Variants in SPAG16 observed in about 807,000 individuals in gnomAD.
SPAG16 encodes sperm-associated antigen 16 protein.
SPAG16 carries 86 observed loss-of-function variants against 80.4 expected under a neutral mutation model. The ratio of observed to expected loss-of-function variants is 1.07; its 90% CI spans 0.90 to 1.28. The LOEUF (loss-of-function observed/expected upper bound fraction) is 1.28, where lower values mean the gene tolerates loss of function less well. SPAG16 is among the 50% of genes most tolerant of loss of function. SPAG16 has a pLI of 0.00. For synonymous variants in SPAG16, 294 were observed against 265.9 expected (o/e 1.11, Z -1.03); for missense variants, 870 against 765.3 (o/e 1.14, Z -1.61).
At chr2:213,643,128 C>G (rs917319184) in intron 10 of SPAG16, among the ~76,000 whole-genome samples, 2 of 150,496 alleles carry the variant, frequency 1.3e-5, no homozygotes, top group East Asian at 2.0e-4. Context: ...TACAACAGGT[C>G]TGATATTGAT....
chr2:214,081,317 C>G (rs1054481837), intron 13 of SPAG16, among the ~76,000 whole-genome samples: 1 of 152,052 alleles, frequency 6.6e-6, no homozygotes, highest in Non-Finnish European at 1.5e-5. Flanking sequence ...AAGATATGTT[C>G]AAATCCTAAC....
chr2:214,066,712 A>G (rs1269010917), intron 13 of SPAG16, among the ~76,000 whole-genome samples: 1 of 152,204 alleles, frequency 6.6e-6, no homozygotes, highest in Admixed American at 6.5e-5. Context: ...TTTGTACAGA[A>G]TAAAGATAGC....
intron 10 of SPAG16, among the ~76,000 whole-genome samples, chr2:213,702,780 G>A (rs1464156516): frequency 6.6e-6 from 1 of 152,050 alleles, no homozygotes; most frequent in Non-Finnish European, 1.5e-5. Context: ...ACTGTTCTTT[G>A]AAAAGGCCTA....
intron 13 of SPAG16, among the ~76,000 whole-genome samples, chr2:214,079,357 A>G (rs2051247937): frequency 6.6e-6 from 1 of 152,210 alleles, no homozygotes; most frequent in Non-Finnish European, 1.5e-5. Context: ...GCCCTCGAGA[A>G]TAGTAATTTT....
intron 10 of SPAG16, among the ~76,000 whole-genome samples, chr2:213,756,819 G>A (rs2068364266): frequency 6.6e-6 from 1 of 152,032 alleles, no homozygotes; most frequent in African/African-American, 2.4e-5. Context: ...ATTAAATGAT[G>A]TAATAACTGT....
intron 10 of SPAG16, among the ~76,000 whole-genome samples, chr2:213,673,768 A>G (rs1031345768): frequency 3.3e-5 from 5 of 152,160 alleles, no homozygotes; most frequent in African/African-American, 4.8e-5. Context: ...ATAAGCCTAA[A>G]TTAATATTAT....
At position 213,729,387 on chromosome 2, in the gene SPAG16, G is replaced by C. The variant is rs2066928251; in HGVS notation, c.1071-133098G>C. On this transcript the variant is annotated intron_variant, in intron 10 of 15. Coordinates refer to ENST00000331683, the MANE Select transcript of SPAG16 (RefSeq NM_024532.5). ...TACCTTTTAGATTGCTCACCTTACAGGGCTATACAAAGCTAATAAAATGTA... is the reference window on the plus strand; with the variant it reads ...TACCTTTTAGATTGCTCACCTTACACGGCTATACAAAGCTAATAAAATGTA... Among the ~76,000 whole-genome samples, 3 of 152,074 alleles carry C rather than the reference G, an allele frequency of 2.0e-5. No individual in the cohort carries two copies. In the South Asian group the frequency reaches 6.2e-4, roughly 32 times the overall value.
chr2:214,038,914 G>T (rs1312800534), intron 13 of SPAG16, among the ~76,000 whole-genome samples: 2 of 152,034 alleles, frequency 1.3e-5, no homozygotes, highest in South Asian at 2.1e-4. Context: ...GGTGTATATG[G>T]GCCACATTTT....
intron 15 of SPAG16, among the ~76,000 whole-genome samples, chr2:214,300,104 G>A (rs1694441557): frequency 6.6e-6 from 1 of 151,948 alleles, no homozygotes; most frequent in Non-Finnish European, 1.5e-5. Flanking sequence ...GATTTTTATT[G>A]AACTTATGTA....
intron 11 of SPAG16, among the ~76,000 whole-genome samples, chr2:213,922,060 T>C (rs1377524575): frequency 6.6e-6 from 1 of 152,206 alleles, no homozygotes; most frequent in Non-Finnish European, 1.5e-5. Flanking sequence ...TGGATTTGAA[T>C]GTTGGTCTCT....
intron 9 of SPAG16, among the ~76,000 whole-genome samples, chr2:213,474,500 A>G (rs144416633): frequency 8.5e-4 from 130 of 152,250 alleles, no homozygotes; most frequent in African/African-American, 3.0e-3. Flanking sequence ...CAAAGGTATT[A>G]TATATATAGT....
intron 5 of SPAG16, among the ~76,000 whole-genome samples, chr2:213,321,782 A>G (rs972529699): frequency 1.1e-4 from 17 of 152,122 alleles, no homozygotes; most frequent in Admixed American, 3.9e-4. Flanking sequence ...ACATTTCTGT[A>G]TAGATGTTTT....
chr2:213,656,918 C>T (rs11900858), intron 10 of SPAG16, among the ~76,000 whole-genome samples: 12,503 of 152,152 alleles, frequency 0.082, 1,045 homozygotes, highest in African/African-American at 0.21. Context: ...TAAGTGGCAG[C>T]TACAGTTTAA....
chr2:214,245,729 C>A (rs1370703611), intron 15 of SPAG16, among the ~76,000 whole-genome samples: 1 of 152,144 alleles, frequency 6.6e-6, no homozygotes, highest in African/African-American at 2.4e-5. Context: ...CAGGTCAACT[C>A]AAGCAAATAA....
chr2:213,816,657 A>T (rs2072558253), intron 10 of SPAG16, among the ~76,000 whole-genome samples: 1 of 152,088 alleles, frequency 6.6e-6, no homozygotes, highest in South Asian at 2.1e-4. Context: ...TCTTGGTGTG[A>T]TAAAAAGATA....
At chr2:213,431,341 G>T (rs998861747) in intron 9 of SPAG16, among the ~76,000 whole-genome samples, 1 of 151,648 alleles carries the variant, frequency 6.6e-6, no homozygotes, top group Non-Finnish European at 1.5e-5. Flanking sequence ...CCACTTAAAA[G>T]ATATAGATTG....
intron 10 of SPAG16, among the ~76,000 whole-genome samples, chr2:213,811,433 ATG>A (rs1276174304): frequency 1.3e-5 from 2 of 152,070 alleles, no homozygotes; most frequent in Non-Finnish European, 2.9e-5. Flanking sequence ...GTGTCTGTGT[ATG>A]TGTGTGTTTT....
At chr2:213,832,082 C>T (rs34913196) in intron 10 of SPAG16, among the ~76,000 whole-genome samples, 37,647 of 151,928 alleles carry the variant, frequency 0.25, 5,202 homozygotes, top group Middle Eastern at 0.38. Context: ...CTGCAACCTC[C>T]TTCCCCCCGG....
chr2:213,894,148 G>C (rs550311629), intron 11 of SPAG16, among the ~76,000 whole-genome samples: 1 of 152,232 alleles, frequency 6.6e-6, no homozygotes, highest in South Asian at 2.1e-4. Context: ...GAGGCCAAAA[G>C]TGCCCACTGT....
Sources: allele counts gnomAD v4.1 joint callset (sites outside exome capture counted in the v4.1 genomes callset), GRCh38; gene constraint gnomAD v4.1.1; transcripts MANE v1.5; gene names NCBI Gene and HGNC (gene_info 2026-07-23, HGNC 2026-07-21).